PEX5L: variants seen among roughly 807,000 people sequenced by gnomAD.
The protein encoded by PEX5L is PEX5-related protein.
In PEX5L, 30 loss-of-function variants were observed where a neutral mutation model predicts 84.0. The observed-to-expected ratio is 0.36, with a 90% CI of 0.27 to 0.48. The LOEUF is 0.48. Among genes scored for constraint, PEX5L ranks in the 20% least tolerant of loss-of-function variants. The pLI is 0.99. For synonymous variants in PEX5L, 270 were observed against 283.1 expected, an observed-to-expected ratio of 0.95 and a Z score of 0.46; for missense variants, 533 against 754.6, an observed-to-expected ratio of 0.71 and a Z score of 3.44.
At chr3:180,006,016 CT>C (rs1481115189) in intron 1 of PEX5L, among the ~76,000 whole-genome samples, 1 of 152,116 alleles carries the variant, frequency 6.6e-6, no homozygotes, top group Admixed American at 6.5e-5. Context: ...TAGAAGTCTC[CT>C]GCTATTGTTA....
At chr3:179,830,960 T>C (rs1272068051) in intron 8 of PEX5L, among the ~76,000 whole-genome samples, 1 of 152,222 alleles carries the variant, frequency 6.6e-6, no homozygotes, top group East Asian at 1.9e-4. Flanking sequence ...ATGATATATA[T>C]CTGCATTCAT....
chr3:179,975,078 A>T (rs1362261980), intron 1 of PEX5L, among the ~76,000 whole-genome samples: 1 of 152,082 alleles, frequency 6.6e-6, no homozygotes, highest in Non-Finnish European at 1.5e-5. Flanking sequence ...AGACCTAGCT[A>T]CTCAGGAGGC....
intron 1 of PEX5L, 112 bp from the exon 2 acceptor site, chr3:179,971,777 C>T (rs1223400777): frequency 1.7e-5 from 18 of 1,041,474 alleles, no homozygotes; most frequent in Non-Finnish European, 2.3e-5. Flanking sequence ...AGTCATAATG[C>T]ATCATTCTTT....
chr3:179,895,032 A>G (rs181806308), intron 3 of PEX5L, among the ~76,000 whole-genome samples: 5 of 152,288 alleles, frequency 3.3e-5, no homozygotes, highest in African/African-American at 1.2e-4. Context: ...GAATTTGTTT[A>G]TACTATTACC....
chr3:179,806,295 G>T (rs1028992916), intron 14 of PEX5L, among the ~76,000 whole-genome samples: 3 of 152,180 alleles, frequency 2.0e-5, no homozygotes, highest in African/African-American at 7.2e-5. Context: ...CTGATGTGTA[G>T]GGGGGTGGCA....
intron 8 of PEX5L, among the ~76,000 whole-genome samples, chr3:179,828,212 G>A (rs1731262971): frequency 6.6e-6 from 1 of 152,114 alleles, no homozygotes; most frequent in African/African-American, 2.4e-5. Context: ...ACTGAGCCCA[G>A]TTCTATGCTG....
chr3:179,941,936 G>A (rs962918260), intron 2 of PEX5L, among the ~76,000 whole-genome samples: 1 of 144,656 alleles, frequency 6.9e-6, no homozygotes, highest in Non-Finnish European at 1.5e-5. Flanking sequence ...CAGGAGAATC[G>A]CTTGAACCCG....
chr3:179,838,836 G>T (rs1266954588), intron 8 of PEX5L, among the ~76,000 whole-genome samples: 1 of 152,034 alleles, frequency 6.6e-6, no homozygotes, highest in Non-Finnish European at 1.5e-5. Context: ...ACTTAAGAAG[G>T]AAACGCTTTA....
chr3:179,977,211 A>G (rs1785885299), intron 1 of PEX5L, among the ~76,000 whole-genome samples: 1 of 152,234 alleles, frequency 6.6e-6, no homozygotes, highest in Non-Finnish European at 1.5e-5. Flanking sequence ...GATCCATAAC[A>G]TTGCCACAGA....
intron 1 of PEX5L, among the ~76,000 whole-genome samples, chr3:180,025,986 AT>A (rs1442807345): frequency 6.6e-6 from 1 of 152,222 alleles, no homozygotes; most frequent in Non-Finnish European, 1.5e-5. Context: ...AAGCAAAATC[AT>A]AGACACTATG....
chr3:179,896,196 A>T (rs192560722), intron 3 of PEX5L: 15 of 152,290 alleles, frequency 9.8e-5, no homozygotes, highest in African/African-American at 3.6e-4. Context: ...ATCAACTAAT[A>T]AAACTGCATT....
chr3:179,900,627 T>C, intron 2 of PEX5L: 1 of 1,328,612 alleles, frequency 7.5e-7, no homozygotes, highest in Non-Finnish European at 1.0e-6. Flanking sequence ...GGATGTACAA[T>C]AAATACATGC....
chr3:179,918,494 T>A (rs542171067), intron 2 of PEX5L, among the ~76,000 whole-genome samples: 3 of 152,320 alleles, frequency 2.0e-5, no homozygotes, highest in African/African-American at 7.2e-5. Context: ...GTAGCTTTTT[T>A]AAGCGTCACT....
intron 2 of PEX5L, among the ~76,000 whole-genome samples, chr3:179,954,673 G>C (rs1022143001): frequency 2.0e-5 from 3 of 152,168 alleles, no homozygotes; most frequent in Non-Finnish European, 4.4e-5. Context: ...GTGATTGACA[G>C]AGGTGGAGCG....
intron 5 of PEX5L, 118 bp from the exon 6 acceptor site, chr3:179,875,595 G>A: frequency 2.9e-6 from 2 of 687,582 alleles, no homozygotes; most frequent in African/African-American, 3.6e-5. Flanking sequence ...GATTAATTAA[G>A]ATTGAAAAAT....
chr3:180,014,189 G>T (rs1253011027), intron 1 of PEX5L, among the ~76,000 whole-genome samples: 1 of 152,212 alleles, frequency 6.6e-6, no homozygotes, highest in African/African-American at 2.4e-5. Flanking sequence ...CCTGAATTCT[G>T]TGCTTCAATT....
chr3:179,916,082 C>G (rs1233639895), intron 2 of PEX5L, among the ~76,000 whole-genome samples: 1 of 152,140 alleles, frequency 6.6e-6, no homozygotes, highest in Non-Finnish European at 1.5e-5. Flanking sequence ...ATAATAATCA[C>G]TTATTGAGCA....
At chr3:179,957,258 T>C (rs1482854458) in intron 2 of PEX5L, among the ~76,000 whole-genome samples, 1 of 152,124 alleles carries the variant, frequency 6.6e-6, no homozygotes, top group East Asian at 1.9e-4. Context: ...CCAAAATTTC[T>C]GGAGAAAGGT....
chr3:179,827,091 G>A (rs1730784549), intron 8 of PEX5L, among the ~76,000 whole-genome samples: 1 of 152,162 alleles, frequency 6.6e-6, no homozygotes, highest in Admixed American at 6.6e-5. Flanking sequence ...ACAGTCGATT[G>A]CTTCTTCCCC....
Sources: gnomAD v4.1 joint callset for allele counts (sites outside exome capture counted in the v4.1 genomes callset) on GRCh38, gnomAD v4.1.1 for gene constraint, MANE v1.5 for transcripts, NCBI Gene and HGNC (gene_info 2026-07-23, HGNC 2026-07-21) for gene names.